The following PARVA variants were observed in gnomAD, a reference collection of about 807,000 sequenced individuals.
The protein encoded by PARVA is alpha-parvin.
PARVA carries 25 observed loss-of-function variants against 52.6 expected under a neutral mutation model. The ratio of observed to expected loss-of-function variants is 0.48; its 90% CI spans 0.35 to 0.66. The LOEUF is 0.66. PARVA is among the 30% of genes least tolerant of loss of function. The pLI is 0.01. For synonymous variants in PARVA, 185 were observed against 179.1 expected (o/e 1.03, Z -0.26); for missense variants, 373 against 450.9 (o/e 0.83, Z 1.56).
chr11:12,409,473 A>C (rs1939961797), intron 1 of PARVA, among the ~76,000 whole-genome samples: 1 of 152,146 alleles, frequency 6.6e-6, no homozygotes. Context: ...ACATAGGGAG[A>C]GTTTCCTGAG....
At chr11:12,390,558 G>T (rs916758954) in intron 1 of PARVA, among the ~76,000 whole-genome samples, 1 of 152,192 alleles carries the variant, frequency 6.6e-6, no homozygotes, top group Admixed American at 6.5e-5. Context: ...CCCTAGCTGA[G>T]TAAGTAAGGG....
chr11:12,488,303 C>G (rs1299066137), intron 4 of PARVA, among the ~76,000 whole-genome samples: 3 of 152,156 alleles, frequency 2.0e-5, no homozygotes, highest in African/African-American at 7.2e-5. Flanking sequence ...TCAGATAAAT[C>G]TTATTGGTAC....
intron 1 of PARVA, among the ~76,000 whole-genome samples, chr11:12,459,412 AAAG>A (rs1310303922): frequency 2.6e-5 from 4 of 152,074 alleles, no homozygotes; most frequent in African/African-American, 7.2e-5. Flanking sequence ...CTCAAAAAAA[AAAG>A]AAAAAGAGAA....
At chr11:12,433,693 T>A (rs1176707594) in intron 1 of PARVA, among the ~76,000 whole-genome samples, 2 of 152,144 alleles carry the variant, frequency 1.3e-5, no homozygotes, top group Non-Finnish European at 2.9e-5. Context: ...TTAACTGACT[T>A]GAAGAGGGAG....
chr11:12,470,621 G>T (rs1254328520), intron 1 of PARVA, among the ~76,000 whole-genome samples: 1 of 152,136 alleles, frequency 6.6e-6, no homozygotes, highest in Non-Finnish European at 1.5e-5. Context: ...TTACATTCTG[G>T]TGAGGGAGAG....
intron 1 of PARVA, among the ~76,000 whole-genome samples, chr11:12,417,884 G>A (rs983662795): frequency 7.2e-5 from 11 of 152,190 alleles, no homozygotes; most frequent in Non-Finnish European, 7.3e-5. Flanking sequence ...AGCTCCCAGG[G>A]GCGAGGCATC....
chr11:12,378,713 A>C (rs894621856), intron 1 of PARVA, among the ~76,000 whole-genome samples: 14 of 150,910 alleles, frequency 9.3e-5, no homozygotes, highest in Non-Finnish European at 1.6e-4. Context: ...GTGTGTAGAT[A>C]GAAGTTGCTG....
chr11:12,404,274 G>T (rs1002166105), intron 1 of PARVA, among the ~76,000 whole-genome samples: 2 of 152,126 alleles, frequency 1.3e-5, no homozygotes, highest in African/African-American at 4.8e-5. Context: ...GGATATTCCA[G>T]GGTACCAGTG....
At chr11:12,461,215 T>G (rs186202217) in intron 1 of PARVA, among the ~76,000 whole-genome samples, 1 of 152,282 alleles carries the variant, frequency 6.6e-6, no homozygotes, top group East Asian at 1.9e-4. Context: ...CCATACATGC[T>G]TATGAATCTG....
At chr11:12,489,835 T>C (rs992625858) in intron 4 of PARVA, among the ~76,000 whole-genome samples, 1 of 152,214 alleles carries the variant, frequency 6.6e-6, no homozygotes, top group Non-Finnish European at 1.5e-5. Flanking sequence ...ATCAAAATAC[T>C]TTGATGTCTT....
chr11:12,503,655 G>A (rs1017554245), intron 5 of PARVA, among the ~76,000 whole-genome samples: 2 of 152,060 alleles, frequency 1.3e-5, no homozygotes, highest in African/African-American at 4.8e-5. Flanking sequence ...GATTGCTTGA[G>A]CCTAGGAGTT....
chr11:12,413,297 G>T (rs1264069944), intron 1 of PARVA, among the ~76,000 whole-genome samples: 2 of 152,160 alleles, frequency 1.3e-5, no homozygotes, highest in African/African-American at 4.8e-5. Flanking sequence ...ACCCAAACAT[G>T]CCTCAAAAGG....
At chr11:12,429,818 AATAATGGAACACT>A (rs1940291230) in intron 1 of PARVA, among the ~76,000 whole-genome samples, 1 of 152,208 alleles carries the variant, frequency 6.6e-6, no homozygotes, top group Non-Finnish European at 1.5e-5. Flanking sequence ...TTAGCGTTCC[AATAATGGAACACT>A]AGGCATAACT....
At chr11:12,509,910 A>G (rs1038886972) in intron 7 of PARVA, among the ~76,000 whole-genome samples, 4 of 152,046 alleles carry the variant, frequency 2.6e-5, no homozygotes, top group Non-Finnish European at 5.9e-5. Context: ...TGTGCCCACT[A>G]TTTCACCTCT....
chr11:12,388,583 C>T (rs1480226756), intron 1 of PARVA, among the ~76,000 whole-genome samples: 1 of 152,142 alleles, frequency 6.6e-6, no homozygotes, highest in East Asian at 1.9e-4. Flanking sequence ...TTAGCCCATG[C>T]TTACGGGATT....
intron 12 of PARVA, among the ~76,000 whole-genome samples, chr11:12,525,788 C>G (rs1425767615): frequency 1.3e-5 from 2 of 152,158 alleles, no homozygotes; most frequent in African/African-American, 2.4e-5. Flanking sequence ...CCAGGCCACT[C>G]CAGGCCTCTC....
rs371595821 is a variant in PARVA, at chr11:12,521,170, G to A, written c.1042+2653G>A. Among the ~76,000 whole-genome samples, 11 of 152,112 alleles carry A rather than the reference G, an allele frequency of 7.2e-5. 1 individual carries two copies. In the East Asian group the frequency reaches 1.5e-3, roughly 21 times the overall value. ...TAGGACTAAATATCTAAAATTTAAG[G>A]AGTCTCATACCTGGGACCAGATGGC... On this transcript the variant is annotated intron_variant, in intron 12 of 12. Coordinates refer to ENST00000334956, the MANE Select transcript of PARVA (RefSeq NM_018222.5).
chr11:12,499,738 G>A (rs941493212), intron 5 of PARVA, among the ~76,000 whole-genome samples: 5 of 151,948 alleles, frequency 3.3e-5, no homozygotes, highest in African/African-American at 7.3e-5. Context: ...GACAAGAACC[G>A]TGAACATTGT....
Position 12,530,148 on chromosome 11 carries a change from A to G in PARVA, c.*2223A>G, listed in dbSNP as rs1941753172. ...TTACATATATACAGTATGAAAATAC[A>G]TTGGAACACTAGGAAAGTTTTTAAA... On this transcript the variant is annotated 3_prime_UTR_variant, in exon 13 of 13. Coordinates refer to ENST00000334956, the MANE Select transcript of PARVA (RefSeq NM_018222.5). 1 of 152,236 alleles carries G rather than the reference A, an allele frequency of 6.6e-6. No individual in the cohort carries two copies. The highest frequency in any genetic ancestry group is 1.5e-5 in the Non-Finnish European group (1 of 68,040). 9.4% of individuals were successfully genotyped at this position (152,236 alleles called of 1,614,324 possible).
Sources: allele counts gnomAD v4.1 joint callset (sites outside exome capture counted in the v4.1 genomes callset), GRCh38; gene constraint gnomAD v4.1.1; transcripts MANE v1.5; gene names NCBI Gene and HGNC (gene_info 2026-07-23, HGNC 2026-07-21).